CMTM8: variants seen among roughly 807,000 people sequenced by gnomAD.
CMTM8 encodes CKLF like MARVEL transmembrane domain containing 8.
Under a neutral mutation model 18.6 loss-of-function variants are expected in CMTM8, and 12 were observed. That is an observed-to-expected ratio of 0.65 (90% CI 0.41 to 1.05). The LOEUF is 1.05. CMTM8 is among the 50% of genes least tolerant of loss of function. CMTM8 has a pLI of 0.00. For missense variants in CMTM8, 217 were observed against 227.2 expected (o/e 0.95, Z 0.29); for synonymous variants, 87 against 90.6 (o/e 0.96, Z 0.23).
chr3:32,265,196 G>T (rs1356347092), intron 1 of CMTM8, among the ~76,000 whole-genome samples: 1 of 152,098 alleles, frequency 6.6e-6, no homozygotes, highest in Non-Finnish European at 1.5e-5. Context: ...TGACCACATA[G>T]TTGGAAGTAA....
chr3:32,300,804 C>CA (rs1695598872), intron 1 of CMTM8, among the ~76,000 whole-genome samples: 1 of 151,646 alleles, frequency 6.6e-6, no homozygotes, highest in African/African-American at 2.4e-5. Flanking sequence ...ACTAAAAATA[C>CA]AAAAAATTAG....
chr3:32,327,182 T>A (rs1696178905), intron 1 of CMTM8, among the ~76,000 whole-genome samples: 3 of 152,160 alleles, frequency 2.0e-5, no homozygotes, highest in Non-Finnish European at 4.4e-5. Flanking sequence ...AAACTCAAGT[T>A]TACATGGAAA....
intron 3 of CMTM8, among the ~76,000 whole-genome samples, chr3:32,369,568 C>T (rs1297451683): frequency 1.3e-5 from 2 of 152,138 alleles, no homozygotes; most frequent in Admixed American, 6.5e-5. Flanking sequence ...GATTGTACCC[C>T]GGACCTAGAT....
intron 1 of CMTM8, among the ~76,000 whole-genome samples, chr3:32,345,444 C>T (rs186012923): frequency 5.3e-5 from 8 of 152,184 alleles, no homozygotes; most frequent in Admixed American, 5.2e-4. Context: ...TTCTATAGCA[C>T]AAGGCAGCAA....
chr3:32,240,386 C>G (rs1701933055), intron 1 of CMTM8, among the ~76,000 whole-genome samples: 1 of 152,214 alleles, frequency 6.6e-6, no homozygotes, highest in Non-Finnish European at 1.5e-5. Context: ...AATCGCCTTG[C>G]AGGGCCTAGC....
chr3:32,349,521 A>C (rs73824695), intron 1 of CMTM8, among the ~76,000 whole-genome samples: 12,342 of 152,004 alleles, frequency 0.081, 605 homozygotes, highest in East Asian at 0.18. Context: ...GTTTTACCTT[A>C]TTTACAGTGT....
At position 32,253,870 on chromosome 3, in the gene CMTM8, GCC is replaced by G. The variant is rs373301269; in HGVS notation, c.147+14753_147+14754del. Among the ~76,000 whole-genome samples, 626 of 152,100 alleles carry G rather than the reference GCC, an allele frequency of 4.1e-3. 6 individuals carry two copies. The highest frequency in any genetic ancestry group is 0.014 in the African/African-American group (590 of 41,494). ...TGGGACTGCAGGTGAGCACTAATGT[GCC>G]CAGCTTGTCCCTTTATGTTTTTATT... On this transcript the variant is annotated intron_variant, in intron 1 of 3. Transcript: ENST00000307526.
At chr3:32,258,028 T>C (rs913790062) in intron 1 of CMTM8, among the ~76,000 whole-genome samples, 10 of 152,136 alleles carry the variant, frequency 6.6e-5, no homozygotes, top group African/African-American at 2.4e-4. Flanking sequence ...TGGGGACTAT[T>C]TCCAGAAGTC....
intron 1 of CMTM8, among the ~76,000 whole-genome samples, chr3:32,355,599 G>A (rs3853713): frequency 0.2 from 29,783 of 151,952 alleles, 3,312 homozygotes; most frequent in South Asian, 0.29. Flanking sequence ...CCCTCCACAT[G>A]TCCATTCTCT....
chr3:32,276,699 C>A lies in CMTM8; in HGVS notation c.147+37580C>A, dbSNP rs1052093457. Reference sequence around the variant, plus strand: ...TAACCCGTGTCGTCAATGGTTCCCACAAAATGAGCTTTGGATGTTGCACCT... The same window carrying A: ...TAACCCGTGTCGTCAATGGTTCCCAAAAAATGAGCTTTGGATGTTGCACCT... On this transcript the variant is annotated intron_variant, in intron 1 of 3. Transcript: ENST00000307526. Among the ~76,000 whole-genome samples, 8 of 152,120 alleles carry A rather than the reference C, an allele frequency of 5.3e-5. No homozygotes were observed. The East Asian group carries it at 1.5e-3, about 29-fold the overall frequency.
intron 1 of CMTM8, among the ~76,000 whole-genome samples, chr3:32,322,143 T>G (rs1696070007): frequency 6.6e-6 from 1 of 152,088 alleles, no homozygotes; most frequent in African/African-American, 2.4e-5. Context: ...GAGTCTACTG[T>G]GTGTGTGAGG....
intron 1 of CMTM8, among the ~76,000 whole-genome samples, chr3:32,244,500 T>C (rs1255484158): frequency 6.6e-6 from 1 of 152,250 alleles, no homozygotes; most frequent in Admixed American, 6.5e-5. Flanking sequence ...TTTTGTTTAA[T>C]TCGAATTTTC....
intron 2 of CMTM8, among the ~76,000 whole-genome samples, chr3:32,361,286 G>GTTTGTTTTTTTTTTTTTTTTTTTTT (rs140270969): frequency 1.3e-4 from 11 of 87,262 alleles, no homozygotes; most frequent in South Asian, 4.6e-4. Flanking sequence ...CAGCCTAAGA[G>GTTTGTTTTTTTTTTTTTTTTTTTTT]TTTTTTTTTC....
chr3:32,253,933 G>T (rs770586791), intron 1 of CMTM8, among the ~76,000 whole-genome samples: 9 of 151,244 alleles, frequency 6.0e-5, no homozygotes, highest in African/African-American at 1.5e-4. Flanking sequence ...CACGCTTGTT[G>T]CCCAGGCTGG....
chr3:32,367,869 C>A lies in CMTM8; in HGVS notation c.322-3C>A. ...TAAACACTCTGCCCCTGTGTCCCCC[C>A]AGGGCCTGTGCTTTAACGGCAGTGC... On this transcript the variant is annotated splice_polypyrimidine_tract_variant and splice_region_variant and intron_variant, in intron 2 of 3. Transcript: ENST00000307526. 1 of 1,608,734 alleles carries A rather than the reference C, an allele frequency of 6.2e-7. No homozygotes were observed. Among genetic ancestry groups the A allele is most frequent in the Non-Finnish European group, 8.5e-7 (1 of 1,175,390 alleles).
At chr3:32,306,414 C>G (rs1051281377) in intron 1 of CMTM8, among the ~76,000 whole-genome samples, 5 of 152,192 alleles carry the variant, frequency 3.3e-5, no homozygotes, top group Admixed American at 2.6e-4. Context: ...GACTCCACCA[C>G]TTGATGGGAG....
intron 1 of CMTM8, among the ~76,000 whole-genome samples, chr3:32,341,180 G>A (rs1399785395): frequency 2.0e-5 from 3 of 152,230 alleles, no homozygotes; most frequent in Non-Finnish European, 4.4e-5. Flanking sequence ...GCACTACCTA[G>A]TGGCCCAACA....
At chr3:32,352,175 GAA>G (rs1211211184) in intron 1 of CMTM8, among the ~76,000 whole-genome samples, 13 of 11,488 alleles carry the variant, frequency 1.1e-3, no homozygotes, top group Middle Eastern at 0.062. Context: ...GAGACTGTCT[GAA>G]AAAAAACACA....
intron 1 of CMTM8, among the ~76,000 whole-genome samples, chr3:32,346,418 A>G (rs956913321): frequency 1.3e-5 from 2 of 152,182 alleles, no homozygotes; most frequent in African/African-American, 4.8e-5. Flanking sequence ...ATAACAAAAT[A>G]CCATAGACTG....
Sources: allele counts gnomAD v4.1 joint callset (sites outside exome capture counted in the v4.1 genomes callset), GRCh38; gene constraint gnomAD v4.1.1; transcripts MANE v1.5; gene names NCBI Gene and HGNC (gene_info 2026-07-23, HGNC 2026-07-21).